The following DCHS1 variants were observed in gnomAD, a reference collection of about 807,000 sequenced individuals.
The protein encoded by DCHS1 is dachsous cadherin-related 1.
In DCHS1, 78 loss-of-function variants were observed where a neutral mutation model predicts 213.9. The observed-to-expected ratio is 0.36, with a 90% CI of 0.30 to 0.44. The LOEUF (loss-of-function observed/expected upper bound fraction) is 0.44, where lower values mean the gene tolerates loss of function less well. Among genes scored for constraint, DCHS1 ranks in the 20% least tolerant of loss-of-function variants. The pLI is 1.00. For missense variants in DCHS1, 3,946 were observed against 4,395.9 expected (o/e 0.90, Z 2.89); for synonymous variants, 1,828 against 1,873.7 (o/e 0.98, Z 0.63).
chr11:6,633,393 G>C lies in DCHS1; in HGVS notation c.2455+19C>G. 1 of 1,548,152 alleles carries C rather than the reference G, an allele frequency of 6.5e-7. No homozygotes were observed. Among genetic ancestry groups the C allele is most frequent in the Non-Finnish European group, 8.7e-7 (1 of 1,144,568 alleles). On this transcript the variant is annotated intron_variant, in intron 5 of 20. Transcript: ENST00000299441. The stretch of plus-strand genomic sequence containing the variant: ...GGTATTTGGGTCTGACACCAAGTGG[G>C]TATAAAGCTAAATGATACCTGGTGG...
At position 6,621,891 on chromosome 11, in the gene DCHS1, GC is replaced by G; in HGVS notation, c.9784del (p.Ala3262LeufsTer133). The G allele has an allele frequency of 6.2e-7, 1 of 1,612,812 alleles. No homozygotes were observed. The highest frequency in any genetic ancestry group is 8.5e-7 in the Non-Finnish European group (1 of 1,179,340). ...TGGTGAGACAACGGGTGAGCGAGCA[GC>G]CAGAGGAGACAGAGAGGGTGAGAAG... ...PSFSPSLSPL[A>X]ARSPVVSPFG... is the part of the protein sequence containing the mutation. On this transcript the variant is annotated frameshift_variant, in exon 21 of 21. Coordinates refer to ENST00000299441, the MANE Select transcript of DCHS1 (RefSeq NM_003737.4). LOFTEE classifies it high-confidence loss of function.
At chr11:6,624,450 A>G (rs568722839) in intron 20 of DCHS1, 60 bp from the exon 21 acceptor site, 1 of 1,474,642 alleles carries the variant, frequency 6.8e-7, no homozygotes, top group Non-Finnish European at 9.0e-7. Flanking sequence ...TGAACAGAAG[A>G]GTGACCCTTC....
rs1183485296 is a variant in DCHS1 at position 6,623,534 on chromosome 11, G to A, written c.8142C>T (p.Ser2714=). The change falls in exon 21 of 21, where the codon AGC becomes AGT. Residue 2714 remains serine (S), a synonymous_variant. Transcript: ENST00000299441. The stretch of plus-strand genomic sequence containing the variant: ...TGCCTGGAGGCTGATTCTCGGCCAC[G>A]CTGGTGCTGAGTAAGTTCAGTGGGA... ...PAFPLNLLST[S]VAENQPPGTL... The A allele has an allele frequency of 1.9e-6, 3 of 1,610,222 alleles. No homozygotes were observed. The highest frequency in any genetic ancestry group is 1.7e-6 in the Non-Finnish European group (2 of 1,178,266).
chr11:6,631,035 G>A lies in DCHS1; in HGVS notation c.3930+18C>T. 6 of 1,588,474 alleles carry A rather than the reference G, an allele frequency of 3.8e-6. No homozygotes were observed. The highest frequency in any genetic ancestry group is 5.1e-6 in the Non-Finnish European group (6 of 1,165,734). On this transcript the variant is annotated intron_variant, in intron 9 of 20. Transcript: ENST00000299441. ...GGGGACCTACAGCGGTAGCCAAGGG[G>A]AGGAAGGGCAGCCATACCTGCACCA...
rs1243214697 is a variant in DCHS1 at position 6,623,062 on chromosome 11, C to T, written c.8614G>A (p.Val2872Met). 1.3e-6 allele frequency: 2 copies of T among 1,584,006 alleles called. No homozygotes were observed. Among genetic ancestry groups the T allele is most frequent in the East Asian group, 4.6e-5 (2 of 43,102 alleles). ...NQTTGALYLR[V>M]DSRAPGSGTA... ...CCGCTGCCTGGTGCCCGACTGTCCA[C>T]CCGCAGGTACAGGGCTCCTGTAGTC... is the stretch of plus-strand genomic sequence containing the variant. Residue 2872 changes from valine to methionine, a missense_variant, in exon 21 of 21, where the codon GTG becomes ATG. Val to Met is a conservative substitution (Grantham distance 21). This residue lies in a region of DCHS1 where 554 missense variants were observed against 590.2 expected (regional missense o/e 0.94). Coordinates refer to ENST00000299441, the MANE Select transcript of DCHS1 (RefSeq NM_003737.4).
chr11:6,631,065 C>G lies in DCHS1; in HGVS notation c.3918G>C (p.Gln1306His). 6.2e-7 allele frequency: 1 copy of G among 1,608,962 alleles called. No individual in the cohort carries two copies. Among genetic ancestry groups the G allele is most frequent in the South Asian group, 1.1e-5 (1 of 90,652 alleles). ...AGGGCAGCCATACCTGCACCAGCAG[C>G]TGGAGGCTGGCACTTCGAGGAGGGC... ...QGSPPRSASL[Q>H]LLVQVLPSAR... is the part of the protein sequence containing the mutation. The change falls in exon 9 of 21, where the codon CAG becomes CAC. Residue 1306 changes from glutamine to histidine, a missense_variant. Gln to His is a conservative substitution (Grantham distance 24). This residue lies in a region of DCHS1 where 3,384 missense variants were observed against 3,780.1 expected (regional missense o/e 0.90). Coordinates refer to ENST00000299441, the MANE Select transcript of DCHS1 (RefSeq NM_003737.4).
Position 6,628,787 on chromosome 11 carries a change from G to C in DCHS1, c.5205C>G (p.Val1735=), listed in dbSNP as rs368885128. 1.9e-6 allele frequency: 3 copies of C among 1,613,892 alleles called. No individual in the cohort carries two copies. The highest frequency in any genetic ancestry group is 2.5e-6 in the Non-Finnish European group (3 of 1,179,898). Residue 1735 remains valine, a synonymous_variant, in exon 13 of 21, where the codon GTC becomes GTG. Coordinates refer to ENST00000299441, the MANE Select transcript of DCHS1 (RefSeq NM_003737.4). This position sits in a 1 kb window ranked among gnomAD's most constrained non-coding sequence, Gnocchi z 4.3. ...DRGSPPQLTH[V]TVRVAVEDEN... ...CATCCTCCACAGCCACTCGAACAGTGACATGCGTTAACTGAGGAGGTGAGC... is the reference window on the plus strand; with the variant it reads ...CATCCTCCACAGCCACTCGAACAGTCACATGCGTTAACTGAGGAGGTGAGC...
chr11:6,623,210 C>G lies in DCHS1; in HGVS notation c.8466G>C (p.Val2822=), dbSNP rs754014876. 3.5e-5 allele frequency: 56 copies of G among 1,600,202 alleles called. No individual in the cohort carries two copies. Among genetic ancestry groups the G allele is most frequent in the Non-Finnish European group, 4.6e-5 (54 of 1,173,232 alleles). The change falls in exon 21 of 21, where the codon GTG becomes GTC. Residue 2822 remains valine, a synonymous_variant. Transcript: ENST00000299441. ...VFLAPAFHFQ[V]PEGARRGHSL... ...TGTGGCCACGCCGGGCACCTTCGGG[C>G]ACTTGGAAGTGGAAAGCTGGTGCCA...
rs941594697 is a variant in DCHS1 at position 6,634,221 on chromosome 11, G to A, written c.1883C>T (p.Pro628Leu). Reference sequence around the variant, plus strand: ...ACCGCTGTGGGCATCAATGCGGAATGGGGGAGATCCGGAGGACCCAAGTCC... The same window carrying A: ...ACCGCTGTGGGCATCAATGCGGAATAGGGGAGATCCGGAGGACCCAAGTCC... ...GAGLGSSGSP[P>L]FRIDAHSGDV... The change falls in exon 3 of 21, where the codon CCA becomes CTA. Residue 628 changes from proline to leucine, a missense_variant. Transcript: ENST00000299441. 6 of 1,613,884 alleles carry A rather than the reference G, an allele frequency of 3.7e-6. No individual in the cohort carries two copies. Among genetic ancestry groups the A allele is most frequent in the Non-Finnish European group, 5.1e-6 (6 of 1,179,796 alleles).
At chr11:6,655,450 T>G (rs1856301542) in intron 1 of DCHS1, 113 bp downstream of exon 1, 112 of 578,260 alleles carry the variant, frequency 1.9e-4, no homozygotes, top group Middle Eastern at 9.1e-4. Flanking sequence ...CCCTCCCCCA[T>G]TGTCTCCGGC....
rs1472910966 is a variant in DCHS1 at position 6,641,082 on chromosome 11, G to T, written c.532C>A (p.Gln178Lys). ...CCATCACCAGATAGCGCATAGCCCT[G>T]GGTTCCCAGACGCCCAGCATCTGCA... ...RDADAGRLGTQGYALSGDGAG... is the reference protein window; with the variant it reads ...RDADAGRLGTKGYALSGDGAG... Residue 178 changes from glutamine (Q) to lysine (K), a missense_variant, in exon 2 of 21, where the codon CAG becomes AAG. Physicochemically the swap from Gln to Lys is moderately conservative, Grantham distance 53 (BLOSUM62 1). Coordinates refer to ENST00000299441, the MANE Select transcript of DCHS1 (RefSeq NM_003737.4). This position sits in a 1 kb window ranked among gnomAD's most constrained non-coding sequence, Gnocchi z 7.1. 6.2e-7 allele frequency: 1 copy of T among 1,614,008 alleles called. No individual in the cohort carries two copies. The highest frequency in any genetic ancestry group is 1.1e-5 in the South Asian group (1 of 91,088).
Position 6,655,568 on chromosome 11 carries a change from C to T in DCHS1, c.-126G>A, listed in dbSNP as rs1856303823. On this transcript the variant is annotated 5_prime_UTR_variant, in exon 1 of 21. Coordinates refer to ENST00000299441, the MANE Select transcript of DCHS1 (RefSeq NM_003737.4). ...GGGCGGGCGCGGGCACTGACCTCCGCGCGACGCGGGCTCCCTCGCCCGGTG... is the reference window on the plus strand; with the variant it reads ...GGGCGGGCGCGGGCACTGACCTCCGTGCGACGCGGGCTCCCTCGCCCGGTG... 4 of 980,708 alleles carry T rather than the reference C, an allele frequency of 4.1e-6. No individual in the cohort carries two copies. The highest frequency in any genetic ancestry group is 6.3e-5 in the Admixed American group (1 of 15,854). 60.8% of individuals were successfully genotyped at this position (980,708 alleles called of 1,614,324 possible). A position where few individuals can be genotyped will look rare whatever the true frequency, so the allele number is the denominator to read the frequency against.
chr11:6,623,743 C>G lies in DCHS1; in HGVS notation c.7933G>C (p.Asp2645His). The G allele has an allele frequency of 6.2e-7, 1 of 1,613,900 alleles. No individual in the cohort carries two copies. The highest frequency in any genetic ancestry group is 1.1e-5 in the South Asian group (1 of 91,082). ...TCCAGCTCAAAGAGCCCTGATGGGT[C>G]GCCTGAGCTGACAGTGAAACGCACG... ...GLVRFTVSSG[D>H]PSGLFELDES... The change falls in exon 21 of 21, where the codon GAC becomes CAC. Residue 2645 changes from aspartate to histidine, a missense_variant. Physicochemically the swap from Asp to His is moderately conservative, Grantham distance 81 (BLOSUM62 -1). Around this residue, in one of 3 missense-constraint regions of DCHS1, gnomAD observed 3,384 missense variants for 3,780.1 expected, o/e 0.90. Coordinates refer to ENST00000299441, the MANE Select transcript of DCHS1 (RefSeq NM_003737.4).
intron 1 of DCHS1, among the ~76,000 whole-genome samples, chr11:6,642,964 T>C (rs1856101317): frequency 6.6e-6 from 1 of 151,980 alleles, no homozygotes; most frequent in Non-Finnish European, 1.5e-5. Context: ...GTTCAGGAAG[T>C]AGAGAGGCCG....
At chr11:6,624,602 G>GGGA in intron 20 of DCHS1, 128 bp downstream of exon 20, 1 of 1,439,728 alleles carries the variant, frequency 6.9e-7, no homozygotes, top group South Asian at 1.3e-5. Flanking sequence ...GAAGACAGAG[G>GGGA]GGAGGAAATG....
intron 1 of DCHS1, among the ~76,000 whole-genome samples, chr11:6,647,307 G>C (rs750414858): frequency 3.9e-5 from 6 of 152,120 alleles, no homozygotes; most frequent in Non-Finnish European, 8.8e-5. Context: ...GTTGAGGCAG[G>C]AACAGCCACA....
chr11:6,639,109 CAAA>C (rs36017764), intron 2 of DCHS1, among the ~76,000 whole-genome samples: 8 of 141,670 alleles, frequency 5.6e-5, no homozygotes, highest in Admixed American at 6.9e-5. Context: ...GACTCCGCCT[CAAA>C]AAAAAAAAAA....
At chr11:6,647,445 C>T (rs1856179451) in intron 1 of DCHS1, among the ~76,000 whole-genome samples, 1 of 152,166 alleles carries the variant, frequency 6.6e-6, no homozygotes, top group South Asian at 2.1e-4. Flanking sequence ...GTGGCCAGAG[C>T]AGTGCCCGGG....
Position 6,640,913 on chromosome 11 carries a change from G to T in DCHS1, c.701C>A (p.Pro234His), listed in dbSNP as rs149022037. ...GTCCAGCAGGGCCTGGGCCCTCCGG[G>T]GGGGTGAACCACCATCATAGGCCTC... ...QLEAYDGGSP[P>H]RRAQALLDVT... The change falls in exon 2 of 21, where the codon CCC becomes CAC. Residue 234 changes from proline to histidine, a missense_variant. This residue lies in a region of DCHS1 where 3,384 missense variants were observed against 3,780.1 expected (regional missense o/e 0.90). Coordinates refer to ENST00000299441, the MANE Select transcript of DCHS1 (RefSeq NM_003737.4). This position sits in a 1 kb window ranked among gnomAD's most constrained non-coding sequence, Gnocchi z 6.5. 59 of 1,614,058 alleles carry T rather than the reference G, an allele frequency of 3.7e-5. No homozygotes were observed. In the East Asian group the frequency reaches 4.9e-4, roughly 13 times the overall value.
Sources: allele counts gnomAD v4.1 joint callset (sites outside exome capture counted in the v4.1 genomes callset), GRCh38; gene constraint gnomAD v4.1.1; regional missense constraint gnomAD v4.1.1; non-coding constraint Gnocchi (gnomAD v3.1); transcripts MANE v1.5; gene names NCBI Gene and HGNC (gene_info 2026-07-23, HGNC 2026-07-21).